The following SHB variants were observed in gnomAD, a reference collection of about 807,000 sequenced individuals.
SHB encodes SH2 domain-containing adapter protein B.
A neutral mutation model predicts 52.3 loss-of-function variants in SHB; 20 were observed. That is an observed-to-expected ratio of 0.38 (90% CI 0.27 to 0.56). The LOEUF (loss-of-function observed/expected upper bound fraction) is 0.56, where lower values mean the gene tolerates loss of function less well. Among genes scored for constraint, SHB ranks in the 20% least tolerant of loss-of-function variants. The probability of loss-of-function intolerance (pLI) is 0.71; values close to 1 mark genes in which losing one functional copy is unlikely to be tolerated. For synonymous variants in SHB, 397 were observed against 316.5 expected (o/e 1.25, Z -2.70); for missense variants, 825 against 723.3 (o/e 1.14, Z -1.61).
At chr9:37,922,267 T>G (rs1407672150) in intron 5 of SHB, among the ~76,000 whole-genome samples, 2 of 152,164 alleles carry the variant, frequency 1.3e-5, no homozygotes, top group Non-Finnish European at 2.9e-5. Flanking sequence ...CTCACATGGG[T>G]GAAGGCAACA....
At chr9:37,941,774 A>G (rs10973617) in intron 5 of SHB, among the ~76,000 whole-genome samples, 2,682 of 152,286 alleles carry the variant, frequency 0.018, 33 homozygotes, top group Non-Finnish European at 0.023. Context: ...GTGGCCTTGC[A>G]GGGACCACCC....
chr9:38,063,795 GTTTT>G (rs5897715), intron 1 of SHB, among the ~76,000 whole-genome samples: 1 of 129,882 alleles, frequency 7.7e-6, no homozygotes, highest in African/African-American at 2.8e-5. Flanking sequence ...TTTGCTGGAT[GTTTT>G]TTTTTTTTTT....
At chr9:37,926,564 G>T (rs541240745) in intron 5 of SHB, among the ~76,000 whole-genome samples, 1 of 152,338 alleles carries the variant, frequency 6.6e-6, no homozygotes, top group East Asian at 1.9e-4. Flanking sequence ...GGCGAGAAGT[G>T]AGACTGAACA....
intron 2 of SHB, among the ~76,000 whole-genome samples, chr9:37,980,338 A>C (rs1219803133): frequency 6.6e-6 from 1 of 152,242 alleles, no homozygotes; most frequent in African/African-American, 2.4e-5. Flanking sequence ...CAGCATCTTC[A>C]TCAGGAATAG....
intron 1 of SHB, among the ~76,000 whole-genome samples, chr9:38,063,603 C>T (rs1422583048): frequency 6.6e-6 from 1 of 152,238 alleles, no homozygotes; most frequent in Non-Finnish European, 1.5e-5. Context: ...CCTCCCAACC[C>T]TGTGCACACA....
chr9:37,981,075 C>G (rs760453021), intron 2 of SHB, among the ~76,000 whole-genome samples: 3 of 152,226 alleles, frequency 2.0e-5, no homozygotes, highest in African/African-American at 4.8e-5. Context: ...CTTCAACTTA[C>G]AATCACCAGC....
rs575495027 is a variant in SHB, at chr9:38,027,357, T to C, written c.718-11226A>G. On this transcript the variant is annotated intron_variant, in intron 1 of 5. Coordinates refer to ENST00000377707, the MANE Select transcript of SHB (RefSeq NM_003028.3). ...TGCGGTGCAGGAGAAGCTGAGTCAATGAACCAAGGGATACATAGTGCCTGT... is the reference window on the plus strand; with the variant it reads ...TGCGGTGCAGGAGAAGCTGAGTCAACGAACCAAGGGATACATAGTGCCTGT... 5.3e-5 allele frequency among the ~76,000 whole-genome samples: 8 copies of C among 152,216 alleles called. No individual in the cohort carries two copies. In the South Asian group the frequency reaches 1.7e-3, roughly 32 times the overall value.
At chr9:37,948,395 T>C (rs986695826) in intron 5 of SHB, among the ~76,000 whole-genome samples, 9 of 152,198 alleles carry the variant, frequency 5.9e-5, no homozygotes, top group Non-Finnish European at 1.2e-4. Context: ...CTTTCTTGGA[T>C]AGTTAATACA....
In SHB at chr9:38,068,651, GAGGCCGCCTA is replaced by G; in HGVS notation, c.-16_-7del. ...TTGTTTAGCCACTTGGCCATGGCGAGAGGCCGCCTAGGGCCGCGGCGCGGGAGCCCGGTCC... is the reference window on the plus strand; with the variant it reads ...TTGTTTAGCCACTTGGCCATGGCGAGGGGCCGCGGCGCGGGAGCCCGGTCC... On this transcript the variant is annotated 5_prime_UTR_variant, in exon 1 of 6. The change abolishes the stop of an existing upstream ORF in the 5' untranslated region. Transcript: ENST00000377707. 1 of 1,417,388 alleles carries G rather than the reference GAGGCCGCCTA, an allele frequency of 7.1e-7. No individual in the cohort carries two copies. Among genetic ancestry groups the G allele is most frequent in the Non-Finnish European group, 9.1e-7 (1 of 1,093,918 alleles). 87.8% of individuals were successfully genotyped at this position (1,417,388 alleles called of 1,614,324 possible). A position where few individuals can be genotyped will look rare whatever the true frequency, so the allele number is the denominator to read the frequency against.
chr9:38,048,968 A>G (rs1287381667), intron 1 of SHB, among the ~76,000 whole-genome samples: 1 of 151,636 alleles, frequency 6.6e-6, no homozygotes, highest in African/African-American at 2.4e-5. Flanking sequence ...TAGGGCAACA[A>G]TACAGTCTAT....
intron 5 of SHB, among the ~76,000 whole-genome samples, chr9:37,930,029 C>A (rs891460720): frequency 6.6e-6 from 1 of 152,106 alleles, no homozygotes; most frequent in South Asian, 2.1e-4. Context: ...TTGAGCCTGG[C>A]AGGCTGAGGC....
chr9:38,033,788 A>C (rs1489250930), intron 1 of SHB, among the ~76,000 whole-genome samples: 1 of 152,140 alleles, frequency 6.6e-6, no homozygotes, highest in African/African-American at 2.4e-5. Context: ...TTGGTGAGTA[A>C]GGCAGGAAAG....
intron 1 of SHB, 72 bp from the exon 2 acceptor site, chr9:38,016,203 T>G: frequency 6.5e-7 from 1 of 1,549,634 alleles, no homozygotes; most frequent in Non-Finnish European, 8.8e-7. Flanking sequence ...ACAGCTAGGC[T>G]TTGGGCCTCA....
At chr9:38,026,157 A>C (rs1157273704) in intron 1 of SHB, among the ~76,000 whole-genome samples, 1 of 152,232 alleles carries the variant, frequency 6.6e-6, no homozygotes, top group African/African-American at 2.4e-5. Flanking sequence ...AAGTATGTAA[A>C]AGCAAAACAG....
intron 1 of SHB, among the ~76,000 whole-genome samples, chr9:38,034,604 C>T (rs992362404): frequency 3.9e-5 from 6 of 152,266 alleles, no homozygotes; most frequent in Non-Finnish European, 7.3e-5. Context: ...CCACAGAACA[C>T]GCCTGCATCC....
At chr9:37,979,628 A>C (rs567417197) in intron 2 of SHB, among the ~76,000 whole-genome samples, 3 of 152,062 alleles carry the variant, frequency 2.0e-5, no homozygotes, top group South Asian at 4.2e-4. Flanking sequence ...CTGAAAAAAA[A>C]AAAACAAAAA....
chr9:38,052,126 G>A (rs1028712251), intron 1 of SHB, among the ~76,000 whole-genome samples: 26 of 152,230 alleles, frequency 1.7e-4, no homozygotes, highest in African/African-American at 6.3e-4. Flanking sequence ...CTAACTCCAC[G>A]AGGTGCTGCC....
intron 1 of SHB, among the ~76,000 whole-genome samples, chr9:38,022,607 A>G (rs1821294955): frequency 6.6e-6 from 1 of 152,152 alleles, no homozygotes; most frequent in Non-Finnish European, 1.5e-5. Context: ...CTGAAGTCCC[A>G]GTCCTCCTTT....
intron 1 of SHB, among the ~76,000 whole-genome samples, chr9:38,049,633 AG>A (rs1295602734): frequency 2.1e-5 from 3 of 142,478 alleles, no homozygotes; most frequent in Non-Finnish European, 3.1e-5. Flanking sequence ...CAAAAAACAA[AG>A]CAAAAAAAAA....
Sources: allele counts gnomAD v4.1 joint callset (sites outside exome capture counted in the v4.1 genomes callset), GRCh38; gene constraint gnomAD v4.1.1; transcripts MANE v1.5; gene names NCBI Gene and HGNC (gene_info 2026-07-23, HGNC 2026-07-21).